PPP2CA: variants seen among roughly 807,000 people sequenced by gnomAD.
PPP2CA encodes the protein protein phosphatase 2 catalytic subunit alpha.
In PPP2CA, 5 loss-of-function variants were observed where a neutral mutation model predicts 38.8. The ratio of observed to expected loss-of-function variants is 0.13; its 90% CI spans 0.07 to 0.27. The LOEUF (loss-of-function observed/expected upper bound fraction) is 0.27, where lower values mean the gene tolerates loss of function less well. Ranked by LOEUF, PPP2CA falls within the 10% of genes least tolerant of loss-of-function variation. PPP2CA has a pLI of 1.00. For missense variants in PPP2CA, 88 were observed against 389.7 expected, an observed-to-expected ratio of 0.23 and a Z score of 6.52; for synonymous variants, 152 against 134.0, an observed-to-expected ratio of 1.13 and a Z score of -0.93.
chr5:134,209,556 G>T (rs948776040), intron 1 of PPP2CA, among the ~76,000 whole-genome samples: 3 of 152,104 alleles, frequency 2.0e-5, no homozygotes, highest in Non-Finnish European at 2.9e-5. Flanking sequence ...GAGGCGAGTG[G>T]ATCACTTGAG....
chr5:134,216,778 GTAGGTA>G (rs1762329355), intron 1 of PPP2CA, among the ~76,000 whole-genome samples: 1 of 152,092 alleles, frequency 6.6e-6, no homozygotes, highest in Non-Finnish European at 1.5e-5. Flanking sequence ...CACCAGGATT[GTAGGTA>G]TGAGCCACCA....
At chr5:134,210,146 G>A (rs1481668880) in intron 1 of PPP2CA, among the ~76,000 whole-genome samples, 2 of 151,812 alleles carry the variant, frequency 1.3e-5, no homozygotes, top group Non-Finnish European at 2.9e-5. Flanking sequence ...AAGATAAGCT[G>A]TGCTATCACA....
intron 2 of PPP2CA, among the ~76,000 whole-genome samples, chr5:134,205,388 CTTT>C (rs5871528): frequency 2.7e-4 from 37 of 138,244 alleles, no homozygotes; most frequent in African/African-American, 8.0e-4. Flanking sequence ...TTTTCTTTTC[CTTT>C]TTTTTTTTTT....
chr5:134,226,033 T>G lies in PPP2CA; in HGVS notation c.-172A>C, dbSNP rs546354820. ...GTACTCGGCCGTCGGCCGCTGCGCC[T>G]CCTCCTCCGCTCGCTGAGGCTCCAG... On this transcript the variant is annotated 5_prime_UTR_variant, in exon 1 of 7. Coordinates refer to ENST00000481195, the MANE Select transcript of PPP2CA (RefSeq NM_002715.4). The G allele has an allele frequency of 2.7e-4, 148 of 544,232 alleles. 1 individual carries two copies. The highest frequency in any genetic ancestry group is 1.9e-3 in the African/African-American group (92 of 49,350). 33.7% of individuals were successfully genotyped at this position (544,232 alleles called of 1,614,324 possible).
chr5:134,225,918 A>G lies in PPP2CA; in HGVS notation c.-57T>C. On this transcript the variant is annotated 5_prime_UTR_variant, in exon 1 of 7. Coordinates refer to ENST00000481195, the MANE Select transcript of PPP2CA (RefSeq NM_002715.4). ...GCGCTGCTCCCGCGCCGCCGCCCGC[A>G]CACGGGCCTACACGCACACGCCGCC... The G allele has an allele frequency of 6.8e-7, 1 of 1,468,262 alleles. No individual in the cohort carries two copies. Among genetic ancestry groups the G allele is most frequent in the Non-Finnish European group, 9.4e-7 (1 of 1,069,046 alleles). The allele number at this position is 1,468,262 out of a possible 1,614,324, so 91.0% of individuals were successfully genotyped here.
rs1368775059 is a variant in PPP2CA, at chr5:134,196,448, T to C, written c.*1324A>G. The C allele has an allele frequency of 6.6e-6, 1 of 152,214 alleles. No individual in the cohort carries two copies. Among genetic ancestry groups the C allele is most frequent in the Non-Finnish European group, 1.5e-5 (1 of 68,032 alleles). 9.4% of individuals were successfully genotyped at this position (152,214 alleles called of 1,614,324 possible). On this transcript the variant is annotated 3_prime_UTR_variant, in exon 7 of 7. Coordinates refer to ENST00000481195, the MANE Select transcript of PPP2CA (RefSeq NM_002715.4). Reference sequence around the variant, plus strand: ...TTGAACACTGCCACTTTAAGTACCATTTTTGTCTTCGGGTGAATGTACATA... The same window carrying C: ...TTGAACACTGCCACTTTAAGTACCACTTTTGTCTTCGGGTGAATGTACATA...
chr5:134,214,622 T>C (rs1762278708), intron 1 of PPP2CA, among the ~76,000 whole-genome samples: 1 of 152,232 alleles, frequency 6.6e-6, no homozygotes, highest in African/African-American at 2.4e-5. Flanking sequence ...TTTTATTCCA[T>C]GTTTATTTAC....
intron 1 of PPP2CA, among the ~76,000 whole-genome samples, chr5:134,206,754 C>A (rs982333443): frequency 3.9e-5 from 6 of 152,186 alleles, no homozygotes; most frequent in Non-Finnish European, 8.8e-5. Flanking sequence ...TCACCTCAGC[C>A]CTGTTTGACT....
intron 1 of PPP2CA, among the ~76,000 whole-genome samples, chr5:134,208,544 T>C (rs1233848809): frequency 1.7e-5 from 1 of 58,596 alleles, no homozygotes; most frequent in African/African-American, 6.3e-5. Context: ...GATGTACAGA[T>C]GCTCCTCAAT....
intron 1 of PPP2CA, among the ~76,000 whole-genome samples, chr5:134,209,572 G>A (rs1762158756): frequency 6.6e-6 from 1 of 152,152 alleles, no homozygotes; most frequent in Admixed American, 6.5e-5. Context: ...TTGAGGTCAG[G>A]AGCTCCAGAC....
rs540314792 is a variant in PPP2CA at position 134,224,082 on chromosome 5, A to G, written c.102+1678T>C. On this transcript the variant is annotated intron_variant, in intron 1 of 6. Transcript: ENST00000481195. Reference sequence around the variant, plus strand: ...TTACGTCATTACCTCCCTCCTTTCCACGTTTTCTTCAAAAGACTAGTCAAC... The same window carrying G: ...TTACGTCATTACCTCCCTCCTTTCCGCGTTTTCTTCAAAAGACTAGTCAAC... Among the ~76,000 whole-genome samples the G allele has an allele frequency of 2.6e-5, 4 of 152,098 alleles. No individual in the cohort carries two copies. The South Asian group carries it at 6.2e-4, about 24-fold the overall frequency.
chr5:134,213,102 A>G (rs757830675), intron 1 of PPP2CA, among the ~76,000 whole-genome samples: 13 of 152,360 alleles, frequency 8.5e-5, no homozygotes, highest in Non-Finnish European at 1.8e-4. Flanking sequence ...TTTTCAATGT[A>G]GACGAAATAG....
chr5:134,225,934 ACACGCCGCCG>A lies in PPP2CA; in HGVS notation c.-83_-74del. ...GCCGCCCGCACACGGGCCTACACGC[ACACGCCGCCG>A]CCGGTTCCTCGTGTACTTCTGGCGG... On this transcript the variant is annotated 5_prime_UTR_variant, in exon 1 of 7. Transcript: ENST00000481195. 7.3e-7 allele frequency: 1 copy of A among 1,374,310 alleles called. No individual in the cohort carries two copies. The highest frequency in any genetic ancestry group is 1.0e-6 in the Non-Finnish European group (1 of 992,740). The allele number at this position is 1,374,310 out of a possible 1,614,324, so 85.1% of individuals were successfully genotyped here.
chr5:134,222,852 T>A (rs1470660363), intron 1 of PPP2CA, among the ~76,000 whole-genome samples: 1 of 152,228 alleles, frequency 6.6e-6, no homozygotes, highest in Non-Finnish European at 1.5e-5. Flanking sequence ...CAACCTTGGC[T>A]TTTGTATAAG....
chr5:134,201,131 G>A, intron 3 of PPP2CA, 57 bp from the exon 4 acceptor site: 1 of 1,359,518 alleles, frequency 7.4e-7, no homozygotes, highest in East Asian at 2.3e-5. Flanking sequence ...AACATTCTTG[G>A]CTGGGCACAG....
At chr5:134,213,527 T>C (rs1038178503) in intron 1 of PPP2CA, among the ~76,000 whole-genome samples, 1 of 151,876 alleles carries the variant, frequency 6.6e-6, no homozygotes, top group Non-Finnish European at 1.5e-5. Flanking sequence ...GGTACACACC[T>C]GTAGTACCAG....
At chr5:134,213,752 C>A (rs1395935501) in intron 1 of PPP2CA, among the ~76,000 whole-genome samples, 1 of 152,206 alleles carries the variant, frequency 6.6e-6, no homozygotes, top group Non-Finnish European at 1.5e-5. Context: ...CACTGTACTT[C>A]AGCCTGGGCA....
chr5:134,215,039 G>GAA (rs35012686), intron 1 of PPP2CA, among the ~76,000 whole-genome samples: 1,734 of 147,102 alleles, frequency 0.012, 22 homozygotes, highest in Middle Eastern at 0.043. Flanking sequence ...CTGCATCCAA[G>GAA]AAAAAAAAAA....
chr5:134,221,370 T>TC (rs1449681289), intron 1 of PPP2CA, among the ~76,000 whole-genome samples: 10 of 152,302 alleles, frequency 6.6e-5, no homozygotes, highest in African/African-American at 2.4e-4. Context: ...GCCGTGGCCT[T>TC]CCAAAGTGCT....
Sources: gnomAD v4.1 joint callset for allele counts (sites outside exome capture counted in the v4.1 genomes callset) on GRCh38, gnomAD v4.1.1 for gene constraint, MANE v1.5 for transcripts, NCBI Gene and HGNC (gene_info 2026-07-23, HGNC 2026-07-21) for gene names.